The following SYT9 variants were observed in gnomAD, a reference collection of about 807,000 sequenced individuals.
SYT9 encodes synaptotagmin 9, also known as synaptotagmin-9.
A neutral mutation model predicts 48.4 loss-of-function variants in SYT9; 22 were observed. That is an observed-to-expected ratio of 0.45 (90% CI 0.32 to 0.65). The LOEUF (loss-of-function observed/expected upper bound fraction) is 0.65, where lower values mean the gene tolerates loss of function less well. SYT9 is among the 30% of genes least tolerant of loss of function. SYT9 has a pLI of 0.03. For synonymous variants in SYT9, 265 were observed against 245.0 expected (o/e 1.08, Z -0.76); for missense variants, 577 against 622.0 (o/e 0.93, Z 0.77).
At chr11:7,462,632 A>C (rs189291240) in intron 6 of SYT9, among the ~76,000 whole-genome samples, 322 of 152,370 alleles carry the variant, frequency 2.1e-3, no homozygotes, top group African/African-American at 7.3e-3. Context: ...ATGAATCTTC[A>C]TATATTTGCA....
At chr11:7,399,905 CATTTT>C (rs1846851766) in intron 3 of SYT9, among the ~76,000 whole-genome samples, 1 of 152,204 alleles carries the variant, frequency 6.6e-6, no homozygotes, top group Non-Finnish European at 1.5e-5. Flanking sequence ...ATTTCACAAA[CATTTT>C]ATACCAGTAG....
intron 3 of SYT9, among the ~76,000 whole-genome samples, chr11:7,380,501 A>T (rs989839465): frequency 2.0e-5 from 3 of 152,200 alleles, no homozygotes; most frequent in Admixed American, 2.0e-4. Flanking sequence ...CTCATTTTCC[A>T]TGATGTGCTT....
chr11:7,274,322 T>C (rs890600726), intron 1 of SYT9, among the ~76,000 whole-genome samples: 2 of 149,830 alleles, frequency 1.3e-5, no homozygotes, highest in Non-Finnish European at 3.0e-5. Context: ...TTCATCTTTT[T>C]TTTTTTTTTT....
intron 3 of SYT9, among the ~76,000 whole-genome samples, chr11:7,367,072 CTTTTTTTTTTTTTT>C (rs35502843): frequency 1.9e-5 from 1 of 53,266 alleles, no homozygotes; most frequent in Non-Finnish European, 3.6e-5. Flanking sequence ...AGGAGACCAT[CTTTTTTTTTTTTTT>C]TTTTTTTTTT....
chr11:7,407,838 A>G (rs975208947), intron 3 of SYT9, among the ~76,000 whole-genome samples: 1 of 152,172 alleles, frequency 6.6e-6, no homozygotes, highest in African/African-American at 2.4e-5. Context: ...GTTGGCTGTA[A>G]ATACATGGAT....
intron 6 of SYT9, among the ~76,000 whole-genome samples, chr11:7,462,712 T>A (rs1848256651): frequency 6.6e-6 from 1 of 152,218 alleles, no homozygotes; most frequent in Non-Finnish European, 1.5e-5. Context: ...AAATTTTAAA[T>A]GTAAATTTAA....
chr11:7,306,468 T>C (rs1293331799), intron 2 of SYT9, among the ~76,000 whole-genome samples: 1 of 152,210 alleles, frequency 6.6e-6, no homozygotes, highest in African/African-American at 2.4e-5. Flanking sequence ...AAGGCCACCA[T>C]GTTGCAGAAC....
chr11:7,363,018 G>C (rs572649882), intron 3 of SYT9, among the ~76,000 whole-genome samples: 93 of 116,952 alleles, frequency 8.0e-4, no homozygotes, highest in Middle Eastern at 5.2e-3. Flanking sequence ...TCAGGAACTT[G>C]GGACAGCTCC....
chr11:7,330,072 A>G (rs985466322), intron 3 of SYT9, among the ~76,000 whole-genome samples: 1 of 152,212 alleles, frequency 6.6e-6, no homozygotes, highest in African/African-American at 2.4e-5. Context: ...TATTTAAAAA[A>G]AAACTCTCCA....
At chr11:7,288,146 C>T (rs966071636) in intron 1 of SYT9, among the ~76,000 whole-genome samples, 3 of 152,036 alleles carry the variant, frequency 2.0e-5, no homozygotes, top group Non-Finnish European at 2.9e-5. Context: ...CTGTCAGGGG[C>T]CTGGGAAACC....
rs774114781 is a variant in SYT9, at chr11:7,417,986, G to C, written c.1195G>C (p.Asp399His). The C allele has an allele frequency of 3.1e-6, 5 of 1,614,108 alleles. No homozygotes were observed. In the Admixed American group the frequency reaches 8.3e-5, roughly 27 times the overall value. Residue 399 changes from aspartate (D) to histidine (H), a missense_variant, in exon 5 of 7, where the codon GAT becomes CAT. Physicochemically the swap from Asp to His is moderately conservative, Grantham distance 81. Transcript: ENST00000318881. ...DPYVKVSLMC[D>H]GRRLKKRKTS... ...CTATGTGAAAGTCTCGCTGATGTGT[G>C]ATGGCAGACGACTGAAGAAGAGGAA...
At chr11:7,293,440 C>A (rs770010507) in intron 1 of SYT9, among the ~76,000 whole-genome samples, 1 of 152,172 alleles carries the variant, frequency 6.6e-6, no homozygotes, top group Non-Finnish European at 1.5e-5. Flanking sequence ...TTAATCCTTG[C>A]AATTTTCACC....
chr11:7,365,726 T>C (rs2134022020), intron 3 of SYT9, among the ~76,000 whole-genome samples: 1 of 152,372 alleles, frequency 6.6e-6, no homozygotes, highest in South Asian at 2.1e-4. Flanking sequence ...GGGGATTTCA[T>C]ACCTGTTTTA....
intron 1 of SYT9, among the ~76,000 whole-genome samples, chr11:7,287,756 T>C (rs1435981083): frequency 6.6e-6 from 1 of 152,206 alleles, no homozygotes; most frequent in Non-Finnish European, 1.5e-5. Flanking sequence ...TAATGATGAC[T>C]TTTAACTGCA....
intron 1 of SYT9, among the ~76,000 whole-genome samples, chr11:7,273,155 T>C (rs1433209324): frequency 6.6e-6 from 1 of 151,992 alleles, no homozygotes; most frequent in Admixed American, 6.6e-5. Flanking sequence ...AATGCAGAAG[T>C]AAGAGCAGGT....
chr11:7,404,097 T>A (rs1177579653), intron 3 of SYT9, among the ~76,000 whole-genome samples: 1 of 152,182 alleles, frequency 6.6e-6, no homozygotes, highest in East Asian at 1.9e-4. Flanking sequence ...TCCAGATATA[T>A]TTTTATTAGT....
upstream of SYT9, among the ~76,000 whole-genome samples, chr11:7,247,655 T>TATATATAC (rs1197889298): frequency 3.1e-4 from 43 of 137,540 alleles, no homozygotes; most frequent in African/African-American, 1.1e-3. Flanking sequence ...TATATATATA[T>TATATATAC]ACATATGTAT....
chr11:7,412,236 A>G (rs560576673), intron 3 of SYT9, among the ~76,000 whole-genome samples: 2 of 152,242 alleles, frequency 1.3e-5, no homozygotes, highest in Non-Finnish European at 2.9e-5. Context: ...TGAAGGTGTC[A>G]TATTTCCTTG....
At chr11:7,459,993 C>T (rs546531119) in intron 6 of SYT9, among the ~76,000 whole-genome samples, 2 of 152,270 alleles carry the variant, frequency 1.3e-5, no homozygotes, top group Admixed American at 1.3e-4. Flanking sequence ...GTTTGTGATA[C>T]GTCATTATGG....
Sources: allele counts gnomAD v4.1 joint callset (sites outside exome capture counted in the v4.1 genomes callset), GRCh38; gene constraint gnomAD v4.1.1; transcripts MANE v1.5; gene names NCBI Gene and HGNC (gene_info 2026-07-23, HGNC 2026-07-21).